LINGO3: variants seen among roughly 807,000 people sequenced by gnomAD.
LINGO3 encodes the protein leucine rich repeat and Ig domain containing 3, also known as leucine-rich repeat and immunoglobulin-like domain-containing nogo receptor-interacting protein 3.
For synonymous variants in LINGO3, 427 were observed against 444.2 expected (o/e 0.96, Z 0.49); for missense variants, 750 against 867.7 (o/e 0.86, Z 1.70).
upstream of LINGO3, among the ~76,000 whole-genome samples, chr19:2,294,613 CG>C (rs1404522448): frequency 6.8e-6 from 1 of 146,780 alleles, no homozygotes; most frequent in East Asian, 2.0e-4. The surrounding 1 kb of genome is among the most constrained non-coding windows in gnomAD (Gnocchi z 4.3). Flanking sequence ...TGGAGGGGGG[CG>C]GGGAGCTGGG....
chr19:2,306,951 G>A, the LINGO3 span, among the ~76,000 whole-genome samples: 1 of 152,224 alleles, frequency 6.6e-6, no homozygotes, highest in East Asian at 1.9e-4. Flanking sequence ...TCCTGATAAA[G>A]CCAGCACCAC....
At chr19:2,300,447 C>A in the LINGO3 span, among the ~76,000 whole-genome samples, 1 of 151,922 alleles carries the variant, frequency 6.6e-6, no homozygotes, top group South Asian at 2.1e-4. Flanking sequence ...CTCGGACCAC[C>A]CCCCTCCCAG....
upstream of LINGO3, among the ~76,000 whole-genome samples, chr19:2,293,973 C>A (rs771102418): frequency 6.6e-6 from 1 of 151,930 alleles, no homozygotes; most frequent in African/African-American, 2.4e-5. Context: ...ATCGCTTGAT[C>A]CCAGGAGTTG....
At chr19:2,296,984 C>T (rs1013416777), upstream of LINGO3, among the ~76,000 whole-genome samples, 51 of 151,342 alleles carry the variant, frequency 3.4e-4, 2 homozygotes, top group African/African-American at 1.1e-3. Flanking sequence ...CCCAGCTACT[C>T]GGGAGGCTGA....
At chr19:2,298,115 C>T in the LINGO3 span, among the ~76,000 whole-genome samples, 3 of 152,188 alleles carry the variant, frequency 2.0e-5, no homozygotes, top group African/African-American at 7.2e-5. Flanking sequence ...TCTCAAACTC[C>T]TGGGCTCAAG....
chr19:2,293,851 G>A (rs1052179519), upstream of LINGO3, among the ~76,000 whole-genome samples: 151 of 151,660 alleles, frequency 1.0e-3, no homozygotes, highest in Admixed American at 1.6e-3. Context: ...TCAGGAGTTC[G>A]AGACCAGCCT....
rs1447389501 is a variant in LINGO3 at position 2,290,938 on chromosome 19, T to A, written c.839A>T (p.Asn280Ile). The change falls in exon 1 of 1, where the codon AAC becomes ATC. Residue 280 changes from asparagine to isoleucine, a missense_variant. By Grantham distance (149) the Asn-to-Ile change is moderately radical. Coordinates refer to ENST00000585527, the Ensembl canonical transcript of LINGO3. The surrounding 1 kb of genome is among the most constrained non-coding windows in gnomAD (Gnocchi z 6.0). Reference sequence around the variant, plus strand: ...CCCCCGCGGCACCGTGCTGATGGGGTTGTGCGACAGATTGAGGCAGGTGAG... The same window carrying A: ...CCCCCGCGGCACCGTGCTGATGGGGATGTGCGACAGATTGAGGCAGGTGAG... 6.2e-7 allele frequency: 1 copy of A among 1,611,370 alleles called. No individual in the cohort carries two copies. The highest frequency in any genetic ancestry group is 1.3e-5 in the African/African-American group (1 of 74,676).
chr19:2,294,276 T>A (rs1308772781), upstream of LINGO3, among the ~76,000 whole-genome samples: 1 of 151,968 alleles, frequency 6.6e-6, no homozygotes, highest in Non-Finnish European at 1.5e-5. The surrounding 1 kb of genome is among the most constrained non-coding windows in gnomAD (Gnocchi z 4.3). Flanking sequence ...AGGCAGAGGC[T>A]AGGGTGACAC....
At chr19:2,304,345 C>CTGGGGTTGGCAGAATGGGGTTGGCAGAA in the LINGO3 span, among the ~76,000 whole-genome samples, 2 of 152,096 alleles carry the variant, frequency 1.3e-5, no homozygotes, top group Admixed American at 6.6e-5. Flanking sequence ...GAAGGGGGGC[C>CTGGGGTTGGCAGAATGGGGTTGGCAGAA]TGGGGTTGGC....
the LINGO3 span, among the ~76,000 whole-genome samples, chr19:2,307,682 G>A: frequency 6.6e-6 from 1 of 152,218 alleles, no homozygotes; most frequent in Admixed American, 6.5e-5. Flanking sequence ...GCTCGGGGGA[G>A]ACAGGGCAGG....
At chr19:2,289,910 T>C (rs2145084571) in exon 1 of LINGO3, 1 of 1,137,480 alleles carries the variant, frequency 8.8e-7, no homozygotes, top group South Asian at 1.6e-5. Flanking sequence ...CGTGCAGCCG[T>C]CCCCTTCCCC....
Position 2,290,034 on chromosome 19 carries a change from C to G in LINGO3, c.1743G>C (p.Gln581His). The change falls in exon 1 of 1, where the codon CAG (glutamine) becomes CAC (histidine). Residue 581 changes from glutamine (Q) to histidine (H), a missense_variant. By Grantham distance (24) the Gln-to-His change is conservative (BLOSUM62 0). Coordinates refer to ENST00000585527, the Ensembl canonical transcript of LINGO3. The surrounding 1 kb of genome is among the most constrained non-coding windows in gnomAD (Gnocchi z 6.0). ...TCATGTTGAACTTGCGCGCGCCTCC[C>G]TGGCCCGCCGCGGCGGCCGGCCCAT... 6.5e-7 allele frequency: 1 copy of G among 1,549,114 alleles called. No individual in the cohort carries two copies. Among genetic ancestry groups the G allele is most frequent in the Non-Finnish European group, 8.7e-7 (1 of 1,146,484 alleles).
At chr19:2,306,489 A>G in the LINGO3 span, among the ~76,000 whole-genome samples, 65 of 152,274 alleles carry the variant, frequency 4.3e-4, 1 homozygote, top group African/African-American at 1.4e-3. Flanking sequence ...ACTGCCTTCT[A>G]TTCCCACTCA....
the LINGO3 span, among the ~76,000 whole-genome samples, chr19:2,304,281 C>G: frequency 6.6e-6 from 1 of 152,048 alleles, no homozygotes; most frequent in Non-Finnish European, 1.5e-5. Context: ...ACAGAAGAAA[C>G]AAGTAAAGCC....
At chr19:2,291,406 C>A in exon 1 of LINGO3, 1 of 1,613,408 alleles carries the variant, frequency 6.2e-7, no homozygotes, top group South Asian at 1.1e-5. Context: ...GTTGTCCAGG[C>A]GCGTGAAGAC....
the LINGO3 span, among the ~76,000 whole-genome samples, chr19:2,300,402 C>G: frequency 6.6e-6 from 1 of 151,952 alleles, no homozygotes; most frequent in African/African-American, 2.4e-5. Context: ...GAAGGCGACA[C>G]TTTCAGGGCT....
the LINGO3 span, among the ~76,000 whole-genome samples, chr19:2,297,027 G>A: frequency 2.0e-5 from 3 of 151,702 alleles, no homozygotes; most frequent in South Asian, 6.3e-4. Context: ...GGGAGGCGGA[G>A]CTTGCAGTGA....
At chr19:2,291,710 C>T in exon 1 of LINGO3, 2 of 1,340,644 alleles carry the variant, frequency 1.5e-6, no homozygotes, top group African/African-American at 1.6e-5. Context: ...GGGCAGCCTC[C>T]AGCCGGGGGC....
the LINGO3 span, among the ~76,000 whole-genome samples, chr19:2,299,827 C>T: frequency 7.0e-6 from 1 of 142,552 alleles, no homozygotes; most frequent in Non-Finnish European, 1.5e-5. Context: ...GGGTTCATGC[C>T]ATTCTCCTGC....
Sources: gnomAD v4.1 joint callset for allele counts (sites outside exome capture counted in the v4.1 genomes callset) on GRCh38, gnomAD v4.1.1 for gene constraint, Gnocchi (gnomAD v3.1) non-coding constraint, MANE v1.5 for transcripts, NCBI Gene and HGNC (gene_info 2026-07-23, HGNC 2026-07-21) for gene names.